LAPTM4B: variants seen among roughly 807,000 people sequenced by gnomAD.
LAPTM4B encodes lysosomal-associated transmembrane protein 4B.
In LAPTM4B, 26 loss-of-function variants were observed where a neutral mutation model predicts 28.5. That is an observed-to-expected ratio of 0.91 (90% confidence interval 0.67 to 1.27). The LOEUF (loss-of-function observed/expected upper bound fraction) is 1.27. Among genes scored for constraint, LAPTM4B ranks in the 50% most tolerant of loss-of-function variants. LAPTM4B has a pLI of 0.00. For missense variants in LAPTM4B, 288 were observed against 285.8 expected, an observed-to-expected ratio of 1.01 and a Z score of -0.06; for synonymous variants, 109 against 106.4, an observed-to-expected ratio of 1.02 and a Z score of -0.15.
At chr8:97,808,404 C>T (rs145704203) in intron 2 of LAPTM4B, among the ~76,000 whole-genome samples, 2,142 of 151,528 alleles carry the variant, frequency 0.014, 23 homozygotes, top group Admixed American at 0.044. Context: ...GCCGAGATCG[C>T]GCCATTGCAC....
intron 4 of LAPTM4B, 38 bp from the exon 5 acceptor site, chr8:97,819,102 T>C (rs747069053): frequency 1.6e-5 from 20 of 1,227,832 alleles, no homozygotes; most frequent in Middle Eastern, 2.7e-4. Context: ...TCTGGAATGA[T>C]TAATGAGATT....
chr8:97,824,855 C>T (rs777813632), intron 5 of LAPTM4B, among the ~76,000 whole-genome samples: 3 of 148,592 alleles, frequency 2.0e-5, no homozygotes, highest in Non-Finnish European at 4.5e-5. Flanking sequence ...TAATAGAATA[C>T]GGCTCCAGTA....
At chr8:97,814,186 C>A (rs1816867422) in intron 2 of LAPTM4B, among the ~76,000 whole-genome samples, 1 of 152,034 alleles carries the variant, frequency 6.6e-6, no homozygotes, top group Non-Finnish European at 1.5e-5. Flanking sequence ...AAACAAGACT[C>A]CTTATTTACC....
At chr8:97,786,408 T>A (rs375662517) in intron 1 of LAPTM4B, among the ~76,000 whole-genome samples, 3 of 147,890 alleles carry the variant, frequency 2.0e-5, no homozygotes, top group Admixed American at 6.7e-5. Context: ...ACATTGAACT[T>A]AAAAAAAAAA....
At chr8:97,827,739 C>G (rs2129817911) in intron 6 of LAPTM4B, among the ~76,000 whole-genome samples, 1 of 152,254 alleles carries the variant, frequency 6.6e-6, no homozygotes, top group Non-Finnish European at 1.5e-5. Flanking sequence ...TTTATTCACT[C>G]AGGTGCGAGC....
At chr8:97,830,458 T>C (rs565229130) in intron 6 of LAPTM4B, among the ~76,000 whole-genome samples, 1 of 152,222 alleles carries the variant, frequency 6.6e-6, no homozygotes, top group African/African-American at 2.4e-5. Context: ...AAGCAGGGCA[T>C]TTAGAAGTAG....
chr8:97,843,069 C>A (rs563093980), intron 6 of LAPTM4B, among the ~76,000 whole-genome samples: 248 of 151,982 alleles, frequency 1.6e-3, no homozygotes, highest in Non-Finnish European at 3.1e-3. Context: ...TATTTAGAGA[C>A]AAGGTTTCAT....
intron 2 of LAPTM4B, among the ~76,000 whole-genome samples, chr8:97,812,837 C>T (rs117637173): frequency 0.029 from 4,455 of 152,190 alleles, 120 homozygotes; most frequent in Non-Finnish European, 0.042. Flanking sequence ...GTTGATAGCC[C>T]AAACAAATCA....
At chr8:97,781,105 C>G (rs1212655724) in intron 1 of LAPTM4B, among the ~76,000 whole-genome samples, 1 of 151,512 alleles carries the variant, frequency 6.6e-6, no homozygotes, top group East Asian at 1.9e-4. Context: ...TTCTCCTGCT[C>G]AGCCTCCTGA....
At chr8:97,850,592 A>C (rs541379560) in intron 6 of LAPTM4B, among the ~76,000 whole-genome samples, 3 of 150,682 alleles carry the variant, frequency 2.0e-5, no homozygotes, top group Non-Finnish European at 4.4e-5. Flanking sequence ...GATGAATACC[A>C]CTTTAAGCAT....
chr8:97,775,815 G>C lies in LAPTM4B; in HGVS notation c.-195G>C, dbSNP rs774628009. The C allele has an allele frequency of 1.9e-5, 30 of 1,564,696 alleles. No individual in the cohort carries two copies. The highest frequency in any genetic ancestry group is 2.6e-5 in the Non-Finnish European group (30 of 1,162,006). ...CCCCGCCGCTGCAGCGGTCGCCTTC[G>C]GAGCGAAGGGTACCGACCCGGCAGA... On this transcript the variant is annotated 5_prime_UTR_variant, in exon 1 of 7. Transcript: ENST00000521545.
At chr8:97,819,340 A>G (rs1816969112) in intron 5 of LAPTM4B, 102 bp downstream of exon 5, 3 of 673,852 alleles carry the variant, frequency 4.5e-6, no homozygotes. Flanking sequence ...TTCTTTGGAC[A>G]TCCAAATTGC....
Position 97,788,861 on chromosome 8 carries a change from A to C in LAPTM4B, c.99+12753A>C, listed in dbSNP as rs1344611908. ...GGGTGTCTGTCACCACGTCCGGCTA[A>C]TTTTTTGTATTTTTAGTACAGACGG... On this transcript the variant is annotated intron_variant, in intron 1 of 6. Coordinates refer to ENST00000521545, the MANE Select transcript of LAPTM4B (RefSeq NM_018407.6). Among the ~76,000 whole-genome samples, 9 of 151,002 alleles carry C rather than the reference A, an allele frequency of 6.0e-5. No individual in the cohort carries two copies. In the South Asian group the frequency reaches 1.5e-3, roughly 25 times the overall value.
At chr8:97,785,297 G>T (rs1816383520) in intron 1 of LAPTM4B, among the ~76,000 whole-genome samples, 1 of 152,176 alleles carries the variant, frequency 6.6e-6, no homozygotes, top group Non-Finnish European at 1.5e-5. Flanking sequence ...GGCTGGTCTA[G>T]AACTCTTGAC....
In LAPTM4B at chr8:97,775,858, G is replaced by A. The variant is rs758063961; in HGVS notation, c.-152G>A. On this transcript the variant is annotated 5_prime_UTR_variant, in exon 1 of 7. Coordinates refer to ENST00000521545, the MANE Select transcript of LAPTM4B (RefSeq NM_018407.6). ...CCGGCAGAAGCTCGGAGCTCTCGGG[G>A]TATCGAGGAGGCAGGCCCGCGGGCG... The A allele has an allele frequency of 5.9e-6, 9 of 1,522,802 alleles. No individual in the cohort carries two copies. In the Admixed American group the frequency reaches 1.4e-4, roughly 24 times the overall value. 94.3% of individuals were successfully genotyped at this position (1,522,802 alleles called of 1,614,324 possible).
chr8:97,782,505 C>G (rs1030979212), intron 1 of LAPTM4B, among the ~76,000 whole-genome samples: 1 of 151,790 alleles, frequency 6.6e-6, no homozygotes, highest in African/African-American at 2.4e-5. Context: ...GTGGCGCAGT[C>G]TCAGCTCACT....
At chr8:97,782,221 TCTG>T (rs1816332330) in intron 1 of LAPTM4B, among the ~76,000 whole-genome samples, 1 of 150,016 alleles carries the variant, frequency 6.7e-6, no homozygotes, top group Non-Finnish European at 1.5e-5. Flanking sequence ...CCTCTGGTGA[TCTG>T]CTCCCCTCAG....
At chr8:97,795,865 A>G (rs916246423) in intron 1 of LAPTM4B, among the ~76,000 whole-genome samples, 1 of 148,968 alleles carries the variant, frequency 6.7e-6, no homozygotes, top group African/African-American at 2.5e-5. Context: ...AAAAAGATCT[A>G]ACACTAATTG....
intron 2 of LAPTM4B, among the ~76,000 whole-genome samples, chr8:97,813,075 A>G (rs1346538352): frequency 6.6e-6 from 1 of 152,252 alleles, no homozygotes; most frequent in Non-Finnish European, 1.5e-5. Flanking sequence ...AATGGGATAT[A>G]TTTAAGGAAG....
Sources: gnomAD v4.1 joint callset for allele counts (sites outside exome capture counted in the v4.1 genomes callset) on GRCh38, gnomAD v4.1.1 for gene constraint, MANE v1.5 for transcripts, NCBI Gene and HGNC (gene_info 2026-07-23, HGNC 2026-07-21) for gene names.